Variants in PREX2 observed in about 807,000 individuals in gnomAD.
The protein encoded by PREX2 is phosphatidylinositol-3,4,5-trisphosphate dependent Rac exchange factor 2.
A neutral mutation model predicts 203.2 loss-of-function variants in PREX2; 107 were observed. The observed-to-expected ratio is 0.53, with a 90% CI of 0.45 to 0.62. The LOEUF (loss-of-function observed/expected upper bound fraction) is 0.62. PREX2 is among the 20% of genes least tolerant of loss of function. The pLI, the probability that PREX2 is intolerant of heterozygous loss-of-function variation, is 0.00. For missense variants in PREX2, 1,777 were observed against 1,955.9 expected, an observed-to-expected ratio of 0.91 and a Z score of 1.72; for synonymous variants, 672 against 663.6, an observed-to-expected ratio of 1.01 and a Z score of -0.19.
chr8:68,052,839 A>G (rs1337006539), intron 8 of PREX2, among the ~76,000 whole-genome samples: 1 of 152,226 alleles, frequency 6.6e-6, no homozygotes, highest in Non-Finnish European at 1.5e-5. Context: ...GTAAGTGTTA[A>G]TTAGTTTGTA....
chr8:68,105,604 C>T (rs1332835595), intron 23 of PREX2: 19 of 1,081,162 alleles, frequency 1.8e-5, no homozygotes, highest in African/African-American at 9.9e-5. Flanking sequence ...CTGGCTTTTA[C>T]GTGCATTATA....
At chr8:68,013,045 T>C (rs1334277021) in intron 1 of PREX2, among the ~76,000 whole-genome samples, 1 of 152,184 alleles carries the variant, frequency 6.6e-6, no homozygotes, top group Non-Finnish European at 1.5e-5. Flanking sequence ...TCTTCATAAA[T>C]GAAAACCATT....
chr8:68,222,162 G>A (rs1239762772), intron 38 of PREX2, among the ~76,000 whole-genome samples: 1 of 152,110 alleles, frequency 6.6e-6, no homozygotes, highest in Non-Finnish European at 1.5e-5. Flanking sequence ...AATTAGCCCT[G>A]CCTGCTGGAA....
At chr8:68,130,084 C>A (rs1001031339) in intron 31 of PREX2, among the ~76,000 whole-genome samples, 7 of 142,010 alleles carry the variant, frequency 4.9e-5, no homozygotes, top group African/African-American at 1.1e-4. Context: ...TTGAGACCAG[C>A]CTGGATATCA....
At chr8:68,168,801 G>A (rs2129614168) in intron 35 of PREX2, among the ~76,000 whole-genome samples, 1 of 152,236 alleles carries the variant, frequency 6.6e-6, no homozygotes, top group South Asian at 2.1e-4. Context: ...GTCACCCTGA[G>A]GTGTCAGTCT....
chr8:68,014,724 A>C (rs1807364301), intron 1 of PREX2, among the ~76,000 whole-genome samples: 1 of 152,190 alleles, frequency 6.6e-6, no homozygotes, highest in Non-Finnish European at 1.5e-5. Context: ...TTTCCTGTTA[A>C]GACTCATTTA....
intron 8 of PREX2, 138 bp downstream of exon 8, chr8:68,044,728 G>A: frequency 1.6e-6 from 1 of 643,920 alleles, no homozygotes; most frequent in Non-Finnish European, 2.7e-6. Context: ...TGGTTGGGTA[G>A]AGAAAAGAGA....
intron 1 of PREX2, among the ~76,000 whole-genome samples, chr8:67,988,726 C>T (rs1228258881): frequency 3.3e-5 from 5 of 152,180 alleles, no homozygotes; most frequent in Non-Finnish European, 4.4e-5. Context: ...CCAGCTCAGC[C>T]TTTTGTGAGA....
intron 25 of PREX2, chr8:68,110,860 A>T: frequency 3.1e-6 from 1 of 317,774 alleles, no homozygotes; most frequent in African/African-American, 2.2e-5. Flanking sequence ...AGTGATTTAG[A>T]ATTAAGATTT....
At chr8:68,226,844 CAG>C (rs1813065707) in intron 39 of PREX2, among the ~76,000 whole-genome samples, 1 of 152,160 alleles carries the variant, frequency 6.6e-6, no homozygotes, top group African/African-American at 2.4e-5. Flanking sequence ...AGCCTAAGGA[CAG>C]AGAGAAGAGG....
intron 18 of PREX2, 111 bp from the exon 19 acceptor site, chr8:68,087,613 C>T (rs972929352): frequency 2.4e-6 from 2 of 820,782 alleles, no homozygotes; most frequent in South Asian, 1.4e-5. Flanking sequence ...ATCTTTCACA[C>T]TGTAGATCCT....
rs1195767224 is a variant in PREX2, at chr8:67,952,244, CCT to C, written c.-147_-146del. ...GATCCCCTCCTCTCCCTGCGCCCAG[CCT>C]CTCCCCAGCATGTAAAGTCTTCTGT... On this transcript the variant is annotated 5_prime_UTR_variant, in exon 1 of 40. The change abolishes the stop of an existing upstream ORF in the 5' untranslated region. Coordinates refer to ENST00000288368, the MANE Select transcript of PREX2 (RefSeq NM_024870.4). 3.4e-6 allele frequency: 2 copies of C among 589,718 alleles called. No homozygotes were observed. Among genetic ancestry groups the C allele is most frequent in the African/African-American group, 2.0e-5 (1 of 50,800 alleles). 36.5% of individuals were successfully genotyped at this position (589,718 alleles called of 1,614,324 possible). A position where few individuals can be genotyped will look rare whatever the true frequency, so the allele number is the denominator to read the frequency against.
intron 35 of PREX2, among the ~76,000 whole-genome samples, chr8:68,169,221 C>T (rs757622951): frequency 5.3e-5 from 8 of 152,094 alleles, no homozygotes; most frequent in Non-Finnish European, 1.2e-4. Context: ...AACCACCATT[C>T]CTTTCTGAGA....
intron 10 of PREX2, among the ~76,000 whole-genome samples, chr8:68,059,775 A>G (rs1038592632): frequency 6.6e-6 from 1 of 152,150 alleles, no homozygotes; most frequent in Non-Finnish European, 1.5e-5. Context: ...GGTTGTCAGG[A>G]ATCAGCTCCT....
intron 1 of PREX2, among the ~76,000 whole-genome samples, chr8:67,953,592 C>T (rs1279585165): frequency 6.6e-6 from 1 of 152,064 alleles, no homozygotes; most frequent in East Asian, 1.9e-4. Context: ...ATTTCAGGTG[C>T]CAAACTTCCT....
rs889470268 is a variant in PREX2, at chr8:68,077,377, A to G, written c.1570-20A>G. 1.2e-6 allele frequency: 2 copies of G among 1,600,856 alleles called. No homozygotes were observed. The highest frequency in any genetic ancestry group is 1.7e-6 in the Non-Finnish European group (2 of 1,167,902). On this transcript the variant is annotated intron_variant, in intron 14 of 39. Transcript: ENST00000288368. ...CCTTTAGTTGCCTATTAACTCCCAC[A>G]GTGCTTTTTTGGTTAACAGGGAGAT...
chr8:68,017,513 C>T (rs2129610151), intron 1 of PREX2, among the ~76,000 whole-genome samples: 1 of 152,194 alleles, frequency 6.6e-6, no homozygotes, highest in South Asian at 2.1e-4. Context: ...TGCCATTTTC[C>T]ATTAAATTTT....
In PREX2 at chr8:68,142,123, A is replaced by G. The variant is rs543729518; in HGVS notation, c.4087+3606A>G. ...TTCTTAAAATCAGTGAACCTATATT[A>G]GCACATCAAAATCACTCAAAGTTCA... On this transcript the variant is annotated intron_variant, in intron 33 of 39. Coordinates refer to ENST00000288368, the MANE Select transcript of PREX2 (RefSeq NM_024870.4). Among the ~76,000 whole-genome samples, 3 of 152,298 alleles carry G rather than the reference A, an allele frequency of 2.0e-5. No homozygotes were observed. In the South Asian group the frequency reaches 6.2e-4, roughly 32 times the overall value.
At chr8:68,191,305 C>T (rs1171618581) in intron 35 of PREX2, among the ~76,000 whole-genome samples, 1 of 152,070 alleles carries the variant, frequency 6.6e-6, no homozygotes, top group Non-Finnish European at 1.5e-5. Flanking sequence ...TAACGTTCTT[C>T]AATAGTCACA....
Sources: gnomAD v4.1 joint callset for allele counts (sites outside exome capture counted in the v4.1 genomes callset) on GRCh38, gnomAD v4.1.1 for gene constraint, MANE v1.5 for transcripts, NCBI Gene and HGNC (gene_info 2026-07-23, HGNC 2026-07-21) for gene names.